NT5C1A: variants seen among roughly 807,000 people sequenced by gnomAD.
NT5C1A encodes the protein cytosolic 5'-nucleotidase 1A.
A neutral mutation model predicts 31.0 loss-of-function variants in NT5C1A; 18 were observed. That is an observed-to-expected ratio of 0.58 (90% CI 0.40 to 0.86). The LOEUF (loss-of-function observed/expected upper bound fraction) is 0.86, where lower values mean the gene tolerates loss of function less well. Among genes scored for constraint, NT5C1A ranks in the 40% least tolerant of loss-of-function variants. The pLI is 0.00. For synonymous variants in NT5C1A, 185 were observed against 203.6 expected (o/e 0.91, Z 0.78); for missense variants, 470 against 505.4 (o/e 0.93, Z 0.67).
In NT5C1A at chr1:39,666,090, C is replaced by A. The variant is rs778463722; in HGVS notation, c.282G>T (p.Gly94=). The A allele has an allele frequency of 1.2e-6, 2 of 1,613,150 alleles. No homozygotes were observed. Among genetic ancestry groups the A allele is most frequent in the East Asian group, 2.2e-5 (1 of 44,898 alleles). ...LEHENEPFSP[G]PAFPFVKALE... is the part of the protein sequence containing the mutation. Reference sequence around the variant, plus strand: ...TCACCTTCACAAAAGGGAAGGCTGGCCCGGGACTGAAGGGTTCGTTCTCAT... The same window carrying A: ...TCACCTTCACAAAAGGGAAGGCTGGACCGGGACTGAAGGGTTCGTTCTCAT... Residue 94 remains glycine, a synonymous_variant, in exon 2 of 6, where the codon GGG becomes GGT. Transcript: ENST00000235628.
chr1:39,669,566 G>A (rs1351429669), intron 1 of NT5C1A, among the ~76,000 whole-genome samples: 1 of 152,198 alleles, frequency 6.6e-6, no homozygotes, highest in East Asian at 1.9e-4. Context: ...AGGGGCTTCT[G>A]CAGGAAGGAA....
In NT5C1A at chr1:39,653,873, G is replaced by C. The variant is rs1306361386; in HGVS notation, c.*5248C>G. On this transcript the variant is annotated 3_prime_UTR_variant, in exon 6 of 6. Transcript: ENST00000235628. ...TCAGAGTTGCATCATATCCTCAGAG[G>C]ATGAACATTCTGGGCCTTGCATGCC... Among the ~76,000 whole-genome samples the C allele has an allele frequency of 6.6e-6, 1 of 152,214 alleles. No homozygotes were observed. The highest frequency in any genetic ancestry group is 1.5e-5 in the Non-Finnish European group (1 of 68,046).
rs1186322072 is a variant in NT5C1A, at chr1:39,657,690, G to C, written c.*1431C>G. Among the ~76,000 whole-genome samples, 1 of 152,220 alleles carries C rather than the reference G, an allele frequency of 6.6e-6. No homozygotes were observed. The highest frequency in any genetic ancestry group is 1.5e-5 in the Non-Finnish European group (1 of 68,032). On this transcript the variant is annotated 3_prime_UTR_variant, in exon 6 of 6. Coordinates refer to ENST00000235628, the MANE Select transcript of NT5C1A (RefSeq NM_032526.3). The stretch of plus-strand genomic sequence containing the variant: ...AAGTGGTGAAGAAGGGGCCGCAGGG[G>C]CTCTTGCAAATGTGGAGGATCCGCT...
At position 39,659,180 on chromosome 1, in the gene NT5C1A, C is replaced by T; in HGVS notation, c.1048G>A (p.Gly350Ser). ...MGTVAAHVPYGVAQTPRRTAP... is the reference protein window; with the variant it reads ...MGTVAAHVPYSVAQTPRRTAP... The stretch of plus-strand genomic sequence containing the variant: ...GTCCGCCGGGGTGTCTGTGCCACAC[C>T]ATAAGGCACATGGGCGGCCACAGTG... Residue 350 changes from glycine to serine, a missense_variant, in exon 6 of 6, where the codon GGT becomes AGT. Transcript: ENST00000235628. 1 of 1,613,942 alleles carries T rather than the reference C, an allele frequency of 6.2e-7. No individual in the cohort carries two copies. The highest frequency in any genetic ancestry group is 1.1e-5 in the South Asian group (1 of 91,074).
chr1:39,667,524 G>T (rs945339442), intron 1 of NT5C1A, among the ~76,000 whole-genome samples: 2 of 152,162 alleles, frequency 1.3e-5, no homozygotes, highest in Non-Finnish European at 2.9e-5. Context: ...TTGAGGTCAA[G>T]GCTCATAAAT....
Position 39,652,006 on chromosome 1 carries a change from G to A in NT5C1A, c.*7115C>T, listed in dbSNP as rs1646434780. Among the ~76,000 whole-genome samples the A allele has an allele frequency of 8.8e-6, 1 of 113,704 alleles. No homozygotes were observed. Among genetic ancestry groups the A allele is most frequent in the Non-Finnish European group, 1.7e-5 (1 of 60,512 alleles). The allele number at this position is 113,704 out of a possible 152,430, so 74.6% of individuals were successfully genotyped here. A position where few individuals can be genotyped will look rare whatever the true frequency, so the allele number is the denominator to read the frequency against. On this transcript the variant is annotated 3_prime_UTR_variant, in exon 6 of 6. Coordinates refer to ENST00000235628, the MANE Select transcript of NT5C1A (RefSeq NM_032526.3). ...AGATTGTGCCACTGCACTCCAGCCT[G>A]AGTGACAGAGCAAGACTCCGTCTCA...
chr1:39,652,998 C>T lies in NT5C1A; in HGVS notation c.*6123G>A, dbSNP rs1646439850. Among the ~76,000 whole-genome samples, 1 of 152,108 alleles carries T rather than the reference C, an allele frequency of 6.6e-6. No homozygotes were observed. The highest frequency in any genetic ancestry group is 2.4e-5 in the African/African-American group (1 of 41,416). Reference sequence around the variant, plus strand: ...TTGTGCAGGTGTCTAATAGGTACTACCCATGTCACAATACCAATGGCGCCC... The same window carrying T: ...TTGTGCAGGTGTCTAATAGGTACTATCCATGTCACAATACCAATGGCGCCC... On this transcript the variant is annotated 3_prime_UTR_variant, in exon 6 of 6. Transcript: ENST00000235628.
At position 39,656,422 on chromosome 1, in the gene NT5C1A, T is replaced by C. The variant is rs565854324; in HGVS notation, c.*2699A>G. 6.6e-6 allele frequency among the ~76,000 whole-genome samples: 1 copy of C among 152,222 alleles called. No individual in the cohort carries two copies. The highest frequency in any genetic ancestry group is 2.4e-5 in the African/African-American group (1 of 41,452). On this transcript the variant is annotated 3_prime_UTR_variant, in exon 6 of 6. Coordinates refer to ENST00000235628, the MANE Select transcript of NT5C1A (RefSeq NM_032526.3). ...TTATTCCAGTGACTGAAAGCTTTTT[T>C]CCAGGCCTGAGATGCTCATTTGTGA...
rs1174896512 is a variant in NT5C1A at position 39,654,644 on chromosome 1, T to A, written c.*4477A>T. ...TGAGCCATGGGTCGCTTGAAAATAG[T>A]CAAAACTTGGAATCTTCAGATGGGC... On this transcript the variant is annotated 3_prime_UTR_variant, in exon 6 of 6. Transcript: ENST00000235628. Among the ~76,000 whole-genome samples, 1 of 152,206 alleles carries A rather than the reference T, an allele frequency of 6.6e-6. No homozygotes were observed. The highest frequency in any genetic ancestry group is 2.4e-5 in the African/African-American group (1 of 41,454).
At position 39,653,447 on chromosome 1, in the gene NT5C1A, C is replaced by T. The variant is rs758486690; in HGVS notation, c.*5674G>A. Among the ~76,000 whole-genome samples, 2 of 152,130 alleles carry T rather than the reference C, an allele frequency of 1.3e-5. No individual in the cohort carries two copies. Among genetic ancestry groups the T allele is most frequent in the Non-Finnish European group, 2.9e-5 (2 of 68,018 alleles). On this transcript the variant is annotated 3_prime_UTR_variant, in exon 6 of 6. Transcript: ENST00000235628. ...ACACACACCCACATAAATACACGTA[C>T]GTGTACGATTTTTATCCTGTTGCAC...
intron 1 of NT5C1A, among the ~76,000 whole-genome samples, chr1:39,666,795 C>G (rs1646526317): frequency 6.6e-6 from 1 of 152,224 alleles, no homozygotes; most frequent in Non-Finnish European, 1.5e-5. Flanking sequence ...CAAACCTGAT[C>G]CCTTCTCCCT....
intron 2 of NT5C1A, 26 bp from the exon 3 acceptor site, chr1:39,665,676 C>T: frequency 6.2e-7 from 1 of 1,609,252 alleles, no homozygotes. Flanking sequence ...CACCCCCCAG[C>T]TTAGACCCCC....
chr1:39,652,230 A>G lies in NT5C1A; in HGVS notation c.*6891T>C, dbSNP rs538162126. 6.6e-6 allele frequency among the ~76,000 whole-genome samples: 1 copy of G among 151,966 alleles called. No individual in the cohort carries two copies. Among genetic ancestry groups the G allele is most frequent in the South Asian group, 2.1e-4 (1 of 4,808 alleles). On this transcript the variant is annotated 3_prime_UTR_variant, in exon 6 of 6. Transcript: ENST00000235628. ...TCTGGGCCTGGGCCAGCGGATGCAA[A>G]CTGGAGATTCAAGGGCCGGATCTCG...
chr1:39,663,762 A>G (rs1430560574), intron 3 of NT5C1A, among the ~76,000 whole-genome samples: 3 of 152,194 alleles, frequency 2.0e-5, no homozygotes, highest in African/African-American at 7.2e-5. Flanking sequence ...AGCTGGGCCA[A>G]TCTGATTACC....
At position 39,665,616 on chromosome 1, in the gene NT5C1A, A is replaced by G. The variant is rs375699941; in HGVS notation, c.338T>C (p.Leu113Pro). The G allele has an allele frequency of 4.3e-6, 7 of 1,613,266 alleles. No individual in the cohort carries two copies. The highest frequency in any genetic ancestry group is 5.9e-6 in the Non-Finnish European group (7 of 1,179,922). ...GAAGACGTCCTCACTATCAGGGTAC[A>G]GCTCCCGCAGCCGCCTGTTCACGGC... ...LEAVNRRLRE[L>P]YPDSEDVFDI... Residue 113 changes from leucine to proline, a missense_variant, in exon 3 of 6, where the codon CTG becomes CCG. Transcript: ENST00000235628.
At position 39,654,808 on chromosome 1, in the gene NT5C1A, T is replaced by G. The variant is rs1646451356; in HGVS notation, c.*4313A>C. On this transcript the variant is annotated 3_prime_UTR_variant, in exon 6 of 6. Transcript: ENST00000235628. ...GCCCAGGGGTCCGCACATTTTTCTG[T>G]AAAGGGCCAGATAATAAATATTTTT... Among the ~76,000 whole-genome samples, 3 of 152,224 alleles carry G rather than the reference T, an allele frequency of 2.0e-5. No individual in the cohort carries two copies. Among genetic ancestry groups the G allele is most frequent in the Admixed American group, 2.0e-4 (3 of 15,284 alleles).
rs1223500665 is a variant in NT5C1A at position 39,661,090 on chromosome 1, G to A, written c.730C>T (p.Pro244Ser). The change falls in exon 5 of 6, where the codon CCT becomes TCT. Residue 244 changes from proline to serine, a missense_variant. Coordinates refer to ENST00000235628, the MANE Select transcript of NT5C1A (RefSeq NM_032526.3). ...TCTATGGGGAGCACCTGAGCCAGAG[G>A]TTTGTTCTCGTGGGCCTTCTCATGC... ...FEHEKAHENK[P>S]LAQGPLKGFL... The A allele has an allele frequency of 1.3e-6, 2 of 1,582,538 alleles. No individual in the cohort carries two copies. Among genetic ancestry groups the A allele is most frequent in the Non-Finnish European group, 1.7e-6 (2 of 1,154,142 alleles).
chr1:39,667,719 A>C (rs568888173), intron 1 of NT5C1A, among the ~76,000 whole-genome samples: 2 of 152,292 alleles, frequency 1.3e-5, no homozygotes, highest in South Asian at 2.1e-4. Context: ...GGAGCTCATG[A>C]TCCAACCCCA....
intron 1 of NT5C1A, among the ~76,000 whole-genome samples, chr1:39,667,309 G>T (rs1352895117): frequency 1.4e-5 from 2 of 147,550 alleles, no homozygotes; most frequent in African/African-American, 5.0e-5. Flanking sequence ...TCGAGCAATT[G>T]TCCTGCCTCA....
Sources: allele counts gnomAD v4.1 joint callset (sites outside exome capture counted in the v4.1 genomes callset), GRCh38; gene constraint gnomAD v4.1.1; transcripts MANE v1.5; gene names NCBI Gene and HGNC (gene_info 2026-07-23, HGNC 2026-07-21).